The following CNTNAP4 variants were observed in gnomAD, a reference collection of about 807,000 sequenced individuals.
CNTNAP4 encodes contactin-associated protein-like 4.
A neutral mutation model predicts 148.4 loss-of-function variants in CNTNAP4; 98 were observed. The ratio of observed to expected loss-of-function variants is 0.66; its 90% CI spans 0.56 to 0.78. The LOEUF is 0.78. Among genes scored for constraint, CNTNAP4 ranks in the 30% least tolerant of loss-of-function variants. The pLI is 0.00. For synonymous variants in CNTNAP4, 730 were observed against 565.1 expected (o/e 1.29, Z -4.14); for missense variants, 1,935 against 1,565.6 (o/e 1.24, Z -3.98).
At chr16:76,286,705 G>A (rs1958902046) in intron 1 of CNTNAP4, among the ~76,000 whole-genome samples, 1 of 152,114 alleles carries the variant, frequency 6.6e-6, no homozygotes, top group Admixed American at 6.6e-5. Flanking sequence ...GATAAACAAA[G>A]TTGAACATTT....
chr16:76,534,638 T>G (rs750292393), intron 17 of CNTNAP4, among the ~76,000 whole-genome samples: 1 of 152,202 alleles, frequency 6.6e-6, no homozygotes, highest in Non-Finnish European at 1.5e-5. Context: ...CTAGTGATCA[T>G]CTGAATTAGA....
At chr16:76,359,664 G>A (rs2013160862) in intron 3 of CNTNAP4, among the ~76,000 whole-genome samples, 1 of 152,086 alleles carries the variant, frequency 6.6e-6, no homozygotes, top group Non-Finnish European at 1.5e-5. Context: ...ATAGTGCAAT[G>A]TTCATAAAAT....
chr16:76,323,401 T>G (rs931114149), intron 2 of CNTNAP4, among the ~76,000 whole-genome samples: 1 of 152,216 alleles, frequency 6.6e-6, no homozygotes, highest in African/African-American at 2.4e-5. Context: ...AGTTCCAGAT[T>G]AATTTTATGA....
intron 3 of CNTNAP4, among the ~76,000 whole-genome samples, chr16:76,400,457 T>A (rs1568009142): frequency 6.6e-6 from 1 of 152,228 alleles, no homozygotes; most frequent in Non-Finnish European, 1.5e-5. Flanking sequence ...TTCTGTCTGA[T>A]GCATAGTTTG....
Position 76,558,991 on chromosome 16 carries a change from C to A in CNTNAP4, c.*308C>A. 5.3e-6 allele frequency: 1 copy of A among 189,340 alleles called. No individual in the cohort carries two copies. The highest frequency in any genetic ancestry group is 1.1e-5 in the Non-Finnish European group (1 of 92,906). 11.7% of individuals were successfully genotyped at this position (189,340 alleles called of 1,614,324 possible). On this transcript the variant is annotated 3_prime_UTR_variant, in exon 24 of 24. Transcript: ENST00000611870. ...CATGTGAAAACTGTAGCCTTGGTCTCTTAACCATGTAATACATAAGTTTTG... is the reference window on the plus strand; with the variant it reads ...CATGTGAAAACTGTAGCCTTGGTCTATTAACCATGTAATACATAAGTTTTG...
At chr16:76,419,730 G>A (rs913584114) in intron 3 of CNTNAP4, among the ~76,000 whole-genome samples, 1 of 152,008 alleles carries the variant, frequency 6.6e-6, no homozygotes, top group Non-Finnish European at 1.5e-5. Context: ...TTAAACAACA[G>A]ACATTTATTA....
intron 3 of CNTNAP4, among the ~76,000 whole-genome samples, chr16:76,363,262 A>G (rs1173204590): frequency 6.6e-6 from 1 of 151,240 alleles, no homozygotes; most frequent in Non-Finnish European, 1.5e-5. Flanking sequence ...TCCTGGGTTC[A>G]AGTGATTCTC....
At chr16:76,397,252 T>C (rs1397702033) in intron 3 of CNTNAP4, among the ~76,000 whole-genome samples, 4 of 151,056 alleles carry the variant, frequency 2.6e-5, no homozygotes, top group Non-Finnish European at 4.4e-5. Context: ...GGGGTGGGGG[T>C]TGGTTGGTAG....
intron 1 of CNTNAP4, among the ~76,000 whole-genome samples, chr16:76,303,345 A>G (rs1754836879): frequency 6.6e-6 from 1 of 152,208 alleles, no homozygotes; most frequent in Non-Finnish European, 1.5e-5. Context: ...TTTGAGATAC[A>G]AATAACAACT....
At chr16:76,509,537 C>T (rs1267276056) in intron 15 of CNTNAP4, among the ~76,000 whole-genome samples, 1 of 97,392 alleles carries the variant, frequency 1.0e-5, no homozygotes, top group Admixed American at 1.0e-4. Context: ...GTATATTCAA[C>T]GTAAGTGATC....
rs59206208 is a variant in CNTNAP4 at position 76,483,231 on chromosome 16, A to AACACACACACACAC, written c.1882+3727_1882+3740dup. Among the ~76,000 whole-genome samples the AACACACACACACAC allele has an allele frequency of 3.4e-3, 473 of 140,100 alleles. 11 individuals carry two copies. Among genetic ancestry groups the AACACACACACACAC allele is most frequent in the East Asian group, 0.015 (68 of 4,506 alleles). 91.9% of individuals were successfully genotyped at this position (140,100 alleles called of 152,430 possible). On this transcript the variant is annotated intron_variant, in intron 12 of 23. Transcript: ENST00000611870. ...ATCTCTAGTCTTTGAAGTTTTAAGA[A>AACACACACACACAC]ACACACACACACACACACACACACA...
At chr16:76,480,881 G>C (rs529174783) in intron 12 of CNTNAP4, among the ~76,000 whole-genome samples, 5 of 152,272 alleles carry the variant, frequency 3.3e-5, no homozygotes, top group African/African-American at 1.2e-4. Flanking sequence ...TTATTTTGGT[G>C]AAAATCAACA....
rs1361929828 is a variant in CNTNAP4, at chr16:76,336,800, C to CT, written c.197-18512dup. Among the ~76,000 whole-genome samples, 3 of 152,144 alleles carry CT rather than the reference C, an allele frequency of 2.0e-5. No homozygotes were observed. In the East Asian group the frequency reaches 5.8e-4, roughly 29 times the overall value. ...GACATGTTGGTTGATAAGTTGTTTG[C>CT]TTTTTTGCTTAAAGAAGGACATTTC... On this transcript the variant is annotated intron_variant, in intron 2 of 23. Transcript: ENST00000611870.
intron 12 of CNTNAP4, 21 bp from the exon 13 acceptor site, chr16:76,489,665 C>G (rs763149640): frequency 7.1e-7 from 1 of 1,401,930 alleles, no homozygotes; most frequent in Non-Finnish European, 9.6e-7. Context: ...CTCTCTTTCT[C>G]CCCCCATTTC....
At chr16:76,389,824 T>C (rs143273024) in intron 3 of CNTNAP4, among the ~76,000 whole-genome samples, 48 of 152,272 alleles carry the variant, frequency 3.2e-4, no homozygotes, top group African/African-American at 1.1e-3. Context: ...TCCTCAGATA[T>C]TCTAATTCTT....
At chr16:76,529,237 C>G (rs184034966) in intron 17 of CNTNAP4, among the ~76,000 whole-genome samples, 9 of 152,160 alleles carry the variant, frequency 5.9e-5, no homozygotes, top group African/African-American at 2.2e-4. Flanking sequence ...TGTTCTTTCA[C>G]TTTGTCCTTT....
chr16:76,429,332 C>A (rs959662154), intron 4 of CNTNAP4, among the ~76,000 whole-genome samples: 1 of 152,152 alleles, frequency 6.6e-6, no homozygotes, highest in African/African-American at 2.4e-5. Context: ...AAAGTGCTTC[C>A]TGTTTACAGT....
chr16:76,439,214 A>G (rs1016093484), intron 4 of CNTNAP4, among the ~76,000 whole-genome samples: 1 of 152,008 alleles, frequency 6.6e-6, no homozygotes, highest in Non-Finnish European at 1.5e-5. Context: ...ATTAAAAAAA[A>G]TCTGATTATC....
At chr16:76,555,116 C>A (rs2085139506) in intron 23 of CNTNAP4, among the ~76,000 whole-genome samples, 1 of 152,000 alleles carries the variant, frequency 6.6e-6, no homozygotes, top group South Asian at 2.1e-4. Flanking sequence ...TCAATTTGGG[C>A]AATTTATGTG....
Sources: allele counts gnomAD v4.1 joint callset (sites outside exome capture counted in the v4.1 genomes callset), GRCh38; gene constraint gnomAD v4.1.1; transcripts MANE v1.5; gene names NCBI Gene and HGNC (gene_info 2026-07-23, HGNC 2026-07-21).